ABR: variants seen among roughly 807,000 people sequenced by gnomAD.
The protein encoded by ABR is active breakpoint cluster region-related protein.
Under a neutral mutation model 107.2 loss-of-function variants are expected in ABR, and 35 were observed. The ratio of observed to expected loss-of-function variants is 0.33; its 90% CI spans 0.25 to 0.43. ABR has a LOEUF of 0.43. Ranked by LOEUF, ABR falls within the 20% of genes least tolerant of loss-of-function variation. The pLI, the probability that ABR is intolerant of heterozygous loss-of-function variation, is 1.00. For synonymous variants in ABR, 498 were observed against 462.0 expected (o/e 1.08, Z -1.00); for missense variants, 815 against 1,115.2 (o/e 0.73, Z 3.83).
Position 1,070,665 on chromosome 17 carries a change from G to A in ABR, c.895-575C>T, listed in dbSNP as rs1007096908. Among the ~76,000 whole-genome samples the A allele has an allele frequency of 1.3e-5, 2 of 151,840 alleles. No individual in the cohort carries two copies. Among genetic ancestry groups the A allele is most frequent in the Non-Finnish European group, 2.9e-5 (2 of 67,966 alleles). ...ATGAGACCTGGGCCCTCCAGCCTGGGACTGCAGCAGTGCCCAGAGGGGACC... is the reference window on the plus strand; with the variant it reads ...ATGAGACCTGGGCCCTCCAGCCTGGAACTGCAGCAGTGCCCAGAGGGGACC... On this transcript the variant is annotated intron_variant, in intron 8 of 22. Coordinates refer to ENST00000302538, the MANE Select transcript of ABR (RefSeq NM_021962.5). The surrounding 1 kb of genome is among the most constrained non-coding windows in gnomAD (Gnocchi z 4.2).
rs897127495 is a variant in ABR at position 1,078,885 on chromosome 17, G to T, written c.700+445C>A. 22 of 1,535,308 alleles carry T rather than the reference G, an allele frequency of 1.4e-5. No individual in the cohort carries two copies. The highest frequency in any genetic ancestry group is 5.9e-5 in the Admixed American group (3 of 50,976). Reference sequence around the variant, plus strand: ...GGCAGCCTCTGTCCCCGCGGCGGGAGCGTGCAGCCATCGCTCCAGGCTCCC... The same window carrying T: ...GGCAGCCTCTGTCCCCGCGGCGGGATCGTGCAGCCATCGCTCCAGGCTCCC... On this transcript the variant is annotated intron_variant, in intron 6 of 22. Coordinates refer to ENST00000302538, the MANE Select transcript of ABR (RefSeq NM_021962.5). This position sits in a 1 kb window ranked among gnomAD's most constrained non-coding sequence, Gnocchi z 7.5.
chr17:1,176,965 G>C (rs2041940152), intron 1 of ABR, among the ~76,000 whole-genome samples: 1 of 152,134 alleles, frequency 6.6e-6, no homozygotes, highest in Non-Finnish European at 1.5e-5. Flanking sequence ...ATTGTTACCA[G>C]GAACAATGCT....
At chr17:1,068,387 A>C (rs915928974) in intron 9 of ABR, among the ~76,000 whole-genome samples, 5 of 152,044 alleles carry the variant, frequency 3.3e-5, no homozygotes, top group Non-Finnish European at 7.4e-5. Flanking sequence ...GGCTGAAGGG[A>C]GAGGTAGGAT....
At chr17:1,023,217 G>A (rs2071864509) in intron 16 of ABR, among the ~76,000 whole-genome samples, 1 of 152,242 alleles carries the variant, frequency 6.6e-6, no homozygotes, top group African/African-American at 2.4e-5. Context: ...CAGAGCCTCT[G>A]CCTGCCCTGG....
At chr17:1,099,853 C>G (rs1228925319) in intron 3 of ABR, among the ~76,000 whole-genome samples, 1 of 152,164 alleles carries the variant, frequency 6.6e-6, no homozygotes, top group Non-Finnish European at 1.5e-5. Flanking sequence ...ACAGGCCGGG[C>G]GCAGTGGCTC....
intron 16 of ABR, among the ~76,000 whole-genome samples, chr17:1,014,314 G>A (rs1053347936): frequency 8.9e-5 from 12 of 134,318 alleles, no homozygotes; most frequent in East Asian, 2.4e-4. Context: ...GGTGGCGGGC[G>A]CCTGTAGTCC....
chr17:1,170,015 G>A (rs560644154), intron 1 of ABR, among the ~76,000 whole-genome samples: 3 of 138,478 alleles, frequency 2.2e-5, no homozygotes, highest in African/African-American at 8.2e-5. Context: ...TGTGGGGGGG[G>A]GGTGTGTTTG....
At chr17:1,045,562 C>T (rs1330836498) in intron 16 of ABR, among the ~76,000 whole-genome samples, 2 of 152,146 alleles carry the variant, frequency 1.3e-5, no homozygotes, top group African/African-American at 4.8e-5. Flanking sequence ...CTCCTGGGCA[C>T]ATGGCCTTGT....
chr17:1,229,345 C>T (rs1292926791), exon 1 of ABR, among the ~76,000 whole-genome samples: 4 of 148,732 alleles, frequency 2.7e-5, no homozygotes, highest in African/African-American at 9.8e-5. Flanking sequence ...CGGGGAGACT[C>T]GGCCTCGGGG....
chr17:1,178,825 T>C (rs2151624495), intron 1 of ABR, among the ~76,000 whole-genome samples: 1 of 150,334 alleles, frequency 6.7e-6, no homozygotes, highest in East Asian at 2.0e-4. Flanking sequence ...GGCGGTGCCT[T>C]TCTAGCAACG....
At chr17:1,146,296 C>CACACACACACACACAT (rs3219520) in intron 1 of ABR, among the ~76,000 whole-genome samples, 2 of 146,574 alleles carry the variant, frequency 1.4e-5, no homozygotes, top group African/African-American at 5.0e-5. Flanking sequence ...CACACACACA[C>CACACACACACACACAT]ATCACATCCT....
chr17:1,093,466 C>T (rs2151304867), intron 3 of ABR, among the ~76,000 whole-genome samples: 1 of 152,168 alleles, frequency 6.6e-6, no homozygotes, highest in East Asian at 2.0e-4. Flanking sequence ...CAGACTCTGT[C>T]TCCAAAAACA....
intron 1 of ABR, among the ~76,000 whole-genome samples, chr17:1,220,147 C>T (rs144035576): frequency 0.047 from 7,152 of 151,890 alleles, 230 homozygotes; most frequent in East Asian, 0.13. Context: ...AAAAATTAGC[C>T]GGGCGTGGTG....
At chr17:1,223,014 C>G (rs769027007) in intron 1 of ABR, among the ~76,000 whole-genome samples, 11 of 151,876 alleles carry the variant, frequency 7.2e-5, no homozygotes, top group Non-Finnish European at 1.5e-4. Flanking sequence ...CCAGCCTGGA[C>G]AACATGGCGA....
chr17:1,079,418 C>T (rs1202157721), intron 5 of ABR, 28 bp from the exon 6 acceptor site: 1 of 1,598,974 alleles, frequency 6.3e-7, no homozygotes, highest in Non-Finnish European at 8.6e-7. Context: ...GGAGTCATGG[C>T]CTGTTCTGTC....
intron 4 of ABR, among the ~76,000 whole-genome samples, chr17:1,089,008 G>A (rs1365332514): frequency 3.4e-5 from 5 of 147,832 alleles, no homozygotes; most frequent in Non-Finnish European, 5.9e-5. Flanking sequence ...CGATTCTCCC[G>A]CCTCAGCCCC....
At chr17:1,217,350 C>T (rs1364971270) in intron 1 of ABR, among the ~76,000 whole-genome samples, 1 of 152,102 alleles carries the variant, frequency 6.6e-6, no homozygotes, top group Non-Finnish European at 1.5e-5. Context: ...TATGACCAGG[C>T]AACAAGATGA....
At position 1,051,924 on chromosome 17, in the gene ABR, G is replaced by A. The variant is rs2032581081; in HGVS notation, c.1562-1290C>T. Reference sequence around the variant, plus strand: ...CCCCATCTCTACTAAAAATACAAAAGTGAGCCCGGCGTGGTGGCACATGCC... The same window carrying A: ...CCCCATCTCTACTAAAAATACAAAAATGAGCCCGGCGTGGTGGCACATGCC... On this transcript the variant is annotated intron_variant, in intron 14 of 22. Coordinates refer to ENST00000302538, the MANE Select transcript of ABR (RefSeq NM_021962.5). This position sits in a 1 kb window ranked among gnomAD's most constrained non-coding sequence, Gnocchi z 4.3. Among the ~76,000 whole-genome samples, 1 of 152,026 alleles carries A rather than the reference G, an allele frequency of 6.6e-6. No homozygotes were observed. Among genetic ancestry groups the A allele is most frequent in the African/African-American group, 2.4e-5 (1 of 41,386 alleles).
At chr17:1,161,651 T>C (rs1398592848) in intron 1 of ABR, among the ~76,000 whole-genome samples, 2 of 150,546 alleles carry the variant, frequency 1.3e-5, no homozygotes, top group African/African-American at 2.5e-5. Context: ...GCCTCCAGGG[T>C]TCAAACAATT....
Sources: gnomAD v4.1 joint callset for allele counts (sites outside exome capture counted in the v4.1 genomes callset) on GRCh38, gnomAD v4.1.1 for gene constraint, Gnocchi (gnomAD v3.1) non-coding constraint, MANE v1.5 for transcripts, NCBI Gene and HGNC (gene_info 2026-07-23, HGNC 2026-07-21) for gene names.